SEC24A: variants seen among roughly 807,000 people sequenced by gnomAD.
SEC24A encodes protein transport protein Sec24A.
In SEC24A, 93 loss-of-function variants were observed where a neutral mutation model predicts 129.4. The observed-to-expected ratio is 0.72, with a 90% CI of 0.61 to 0.85. SEC24A has a LOEUF of 0.85. SEC24A is among the 40% of genes least tolerant of loss of function. The probability of loss-of-function intolerance (pLI) is 0.00; values close to 1 mark genes in which losing one functional copy is unlikely to be tolerated. For missense variants in SEC24A, 1,264 were observed against 1,307.4 expected, an observed-to-expected ratio of 0.97 and a Z score of 0.51; for synonymous variants, 460 against 467.3, an observed-to-expected ratio of 0.98 and a Z score of 0.20.
chr5:134,659,047 T>TTATTTTTA (rs1554136610), intron 1 of SEC24A, among the ~76,000 whole-genome samples: 17 of 138,766 alleles, frequency 1.2e-4, no homozygotes, highest in Admixed American at 3.8e-4. Context: ...ACCCATTTAT[T>TTATTTTTA]TTTATTTATT....
intron 9 of SEC24A, among the ~76,000 whole-genome samples, chr5:134,686,177 C>T (rs1215539722): frequency 6.6e-6 from 1 of 151,718 alleles, no homozygotes; most frequent in African/African-American, 2.4e-5. Context: ...ATAAACTAAA[C>T]ACTTTTGTTA....
In SEC24A at chr5:134,726,744, C is replaced by T. The variant is rs573287926; in HGVS notation, c.*1650C>T. 60 of 152,138 alleles carry T rather than the reference C, an allele frequency of 3.9e-4. No individual in the cohort carries two copies. The highest frequency in any genetic ancestry group is 1.4e-3 in the African/African-American group (57 of 41,514). 9.4% of individuals were successfully genotyped at this position (152,138 alleles called of 1,614,324 possible). A position where few individuals can be genotyped will look rare whatever the true frequency, so the allele number is the denominator to read the frequency against. On this transcript the variant is annotated 3_prime_UTR_variant, in exon 23 of 23. Coordinates refer to ENST00000398844, the MANE Select transcript of SEC24A (RefSeq NM_021982.3). ...TTATCCCCTCTTTTAAAGAAACAGTCGTTATATGCTGATGTTTCTTAAAAT... is the reference window on the plus strand; with the variant it reads ...TTATCCCCTCTTTTAAAGAAACAGTTGTTATATGCTGATGTTTCTTAAAAT...
chr5:134,716,724 G>A (rs1342742557), intron 19 of SEC24A, among the ~76,000 whole-genome samples: 5 of 149,340 alleles, frequency 3.3e-5, no homozygotes, highest in African/African-American at 1.2e-4. Flanking sequence ...CTTGAATCCA[G>A]GAGGCAAAGG....
chr5:134,674,451 C>T (rs184701513), intron 4 of SEC24A, among the ~76,000 whole-genome samples, 164 bp from the exon 5 acceptor site: 2 of 152,238 alleles, frequency 1.3e-5, no homozygotes, highest in East Asian at 3.9e-4. Flanking sequence ...ACAGGAGGAT[C>T]ACTTGAACCT....
chr5:134,669,253 G>A (rs1480440470), intron 3 of SEC24A, among the ~76,000 whole-genome samples: 3 of 150,228 alleles, frequency 2.0e-5, no homozygotes, highest in African/African-American at 7.3e-5. Flanking sequence ...CGCAACCTCC[G>A]CCTCCTGGGT....
chr5:134,705,571 A>C (rs748666773), intron 17 of SEC24A, 134 bp downstream of exon 17: 11 of 541,948 alleles, frequency 2.0e-5, no homozygotes, highest in Non-Finnish European at 3.3e-5. Context: ...CTAAGTAACT[A>C]TTTGAAAAGA....
Position 134,679,653 on chromosome 5 carries a change from A to G in SEC24A, c.1306A>G (p.Thr436Ala), listed in dbSNP as rs1408429861. 4.4e-6 allele frequency: 7 copies of G among 1,602,440 alleles called. No homozygotes were observed. In the African/African-American group the frequency reaches 8.0e-5, roughly 18 times the overall value. Reference sequence around the variant, plus strand: ...AATTGTGAGATGCCGTTCATGCAGGACGTACATCAATCCTTTCGTCAGCTT... The same window carrying G: ...AATTGTGAGATGCCGTTCATGCAGGGCGTACATCAATCCTTTCGTCAGCTT... Reference protein sequence around the residue: ...STIVRCRSCRTYINPFVSFLD... With the variant: ...STIVRCRSCRAYINPFVSFLD... The change falls in exon 8 of 23, where the codon ACG becomes GCG. Residue 436 changes from threonine to alanine, a missense_variant. By Grantham distance (58) the Thr-to-Ala change is moderately conservative (BLOSUM62 0). Transcript: ENST00000398844.
At chr5:134,708,401 A>G (rs1455020666) in intron 17 of SEC24A, among the ~76,000 whole-genome samples, 2 of 152,248 alleles carry the variant, frequency 1.3e-5, no homozygotes, top group Non-Finnish European at 2.9e-5. Flanking sequence ...TGTGTGTTTA[A>G]TTGCAATGTT....
chr5:134,664,731 A>G (rs1750592740), intron 2 of SEC24A, among the ~76,000 whole-genome samples: 1 of 151,822 alleles, frequency 6.6e-6, no homozygotes, highest in South Asian at 2.1e-4. Context: ...ACTTTTGTCA[A>G]CAAGGCACTG....
intron 1 of SEC24A, among the ~76,000 whole-genome samples, chr5:134,657,623 C>G (rs1750292622): frequency 6.6e-6 from 1 of 152,112 alleles, no homozygotes; most frequent in Admixed American, 6.6e-5. Flanking sequence ...GTTGCCCAGG[C>G]TAGAGTGCAG....
rs772047036 is a variant in SEC24A, at chr5:134,693,878, T to C, written c.1931T>C (p.Leu644Pro). 6.2e-7 allele frequency: 1 copy of C among 1,614,086 alleles called. No homozygotes were observed. The highest frequency in any genetic ancestry group is 8.5e-7 in the Non-Finnish European group (1 of 1,180,016). Reference sequence around the variant, plus strand: ...GTCTTTCAAACACAACTCCCAACTCTTGGAGTGGGAGCCCTGAAACCACGA... The same window carrying C: ...GTCTTTCAAACACAACTCCCAACTCCTGGAGTGGGAGCCCTGAAACCACGA... ...MSVFQTQLPT[L>P]GVGALKPREE... The change falls in exon 13 of 23, where the codon CTT (leucine) becomes CCT (proline). Residue 644 changes from leucine to proline, a missense_variant. Leu to Pro is a moderately conservative substitution (Grantham distance 98). Transcript: ENST00000398844.
Position 134,686,788 on chromosome 5 carries a change from A to G in SEC24A, c.1492-2A>G. 1.3e-6 allele frequency: 2 copies of G among 1,565,560 alleles called. No homozygotes were observed. The highest frequency in any genetic ancestry group is 1.7e-6 in the Non-Finnish European group (2 of 1,151,826). ...TACTTAACAAGATCTTTTTTTCTTC[A>G]GTTACGACCACCTCAGCCTCCAGTG... On this transcript the variant is annotated splice_acceptor_variant, in intron 9 of 22. Coordinates refer to ENST00000398844, the MANE Select transcript of SEC24A (RefSeq NM_021982.3). LOFTEE classifies it high-confidence loss of function.
rs189561155 is a variant in SEC24A at position 134,723,351 on chromosome 5, A to G, written c.3064-216A>G. Among the ~76,000 whole-genome samples, 755 of 152,102 alleles carry G rather than the reference A, an allele frequency of 5.0e-3. 2 individuals carry two copies. The highest frequency in any genetic ancestry group is 7.6e-3 in the Non-Finnish European group (520 of 67,988). ...ATGGTGGCACGCATCTGTAGTCCCA[A>G]CTATTCAGAAGGCTATGGTGGGAGG... On this transcript the variant is annotated intron_variant, in intron 21 of 22. Transcript: ENST00000398844.
At chr5:134,689,471 C>T (rs763627482) in intron 11 of SEC24A, among the ~76,000 whole-genome samples, 2 of 152,028 alleles carry the variant, frequency 1.3e-5, no homozygotes, top group Admixed American at 6.6e-5. Flanking sequence ...GTGGTATAAA[C>T]GTATAATGGG....
Position 134,727,014 on chromosome 5 carries a change from A to G in SEC24A, c.*1920A>G, listed in dbSNP as rs1029549963. Reference sequence around the variant, plus strand: ...ATGTGCAATTCAGAATAATTTTATAACAGGTCATGAAAAACATAACTTTAG... The same window carrying G: ...ATGTGCAATTCAGAATAATTTTATAGCAGGTCATGAAAAACATAACTTTAG... On this transcript the variant is annotated 3_prime_UTR_variant, in exon 23 of 23. Coordinates refer to ENST00000398844, the MANE Select transcript of SEC24A (RefSeq NM_021982.3). 2 of 152,630 alleles carry G rather than the reference A, an allele frequency of 1.3e-5. No individual in the cohort carries two copies. Among genetic ancestry groups the G allele is most frequent in the East Asian group, 3.8e-4 (2 of 5,204 alleles). 9.5% of individuals were successfully genotyped at this position (152,630 alleles called of 1,614,324 possible).
intron 2 of SEC24A, among the ~76,000 whole-genome samples, chr5:134,662,678 G>A (rs930028837): frequency 1.3e-5 from 2 of 152,158 alleles, no homozygotes; most frequent in Non-Finnish European, 2.9e-5. Flanking sequence ...CCTGGTGAAT[G>A]CATTTTGGCC....
In SEC24A at chr5:134,703,891, T is replaced by C; in HGVS notation, c.2399T>C (p.Leu800Ser). The change falls in exon 16 of 23, where the codon TTG (leucine) becomes TCG (serine). Residue 800 changes from leucine to serine, a missense_variant. Physicochemically the swap from Leu to Ser is moderately radical, Grantham distance 145. Coordinates refer to ENST00000398844, the MANE Select transcript of SEC24A (RefSeq NM_021982.3). ...SVEESLTDTQ[L>S]VSFQSALLYT... ...GAAGAGAGTCTTACTGACACTCAGT[T>C]GGTTTCTTTTCAGTCAGCACTCTTG... The C allele has an allele frequency of 1.2e-6, 2 of 1,609,918 alleles. No homozygotes were observed. Among genetic ancestry groups the C allele is most frequent in the Non-Finnish European group, 1.7e-6 (2 of 1,176,578 alleles).
intron 4 of SEC24A, 30 bp downstream of exon 4, chr5:134,671,916 T>C (rs755379611): frequency 2.4e-6 from 3 of 1,276,242 alleles, no homozygotes; most frequent in South Asian, 2.5e-5. Context: ...TTTTTTTTAA[T>C]CTCTTTTTTC....
At chr5:134,664,439 TAAG>T (rs1750583130) in intron 2 of SEC24A, among the ~76,000 whole-genome samples, 1 of 152,196 alleles carries the variant, frequency 6.6e-6, no homozygotes, top group Non-Finnish European at 1.5e-5. Flanking sequence ...GTGTCGTAAA[TAAG>T]AATTCTTCAA....
Sources: gnomAD v4.1 joint callset for allele counts (sites outside exome capture counted in the v4.1 genomes callset) on GRCh38, gnomAD v4.1.1 for gene constraint, MANE v1.5 for transcripts, NCBI Gene and HGNC (gene_info 2026-07-23, HGNC 2026-07-21) for gene names.